PCDHA9: variants seen among roughly 807,000 people sequenced by gnomAD.
PCDHA9 encodes protocadherin alpha-9.
Under a neutral mutation model 62.0 loss-of-function variants are expected in PCDHA9, and 62 were observed. The ratio of observed to expected loss-of-function variants is 1.00; its 90% CI spans 0.81 to 1.23. The LOEUF is 1.23. Ranked by LOEUF, PCDHA9 falls within the 50% of genes most tolerant of loss-of-function variation. PCDHA9 has a pLI of 0.00. For synonymous variants in PCDHA9, 557 were observed against 567.6 expected (o/e 0.98, Z 0.27); for missense variants, 1,205 against 1,249.8 (o/e 0.96, Z 0.54).
chr5:140,978,601 G>A (rs1382051729), intron 1 of PCDHA9, among the ~76,000 whole-genome samples: 1 of 152,244 alleles, frequency 6.6e-6, no homozygotes, highest in African/African-American at 2.4e-5. Flanking sequence ...TGGGGCACTT[G>A]AGGGCAAAAG....
chr5:140,849,758 C>A lies in PCDHA9; in HGVS notation c.1263C>A (p.Tyr421Ter), dbSNP rs2150448460. 6.3e-7 allele frequency: 1 copy of A among 1,598,492 alleles called. No individual in the cohort carries two copies. Among genetic ancestry groups the A allele is most frequent in the Non-Finnish European group, 8.6e-7 (1 of 1,168,012 alleles). ...TGGACCGCGAGAGTGTGTCCGCCTA[C>A]GAGCTGGTGGTTACCGCGCGGGACG... is the stretch of plus-strand genomic sequence containing the variant. ...RALDRESVSA[Y>*]ELVVTARDGG... is the part of the protein sequence containing the mutation. The change falls in exon 1 of 4, where the codon TAC (tyrosine) becomes TAA (stop). Residue 421 changes from tyrosine (Y) to a stop codon, truncating the protein, a stop_gained. Transcript: ENST00000532602. LOFTEE classifies it high-confidence loss of function.
intron 1 of PCDHA9, chr5:140,882,003 G>C: frequency 2.0e-6 from 1 of 492,180 alleles, no homozygotes; most frequent in Non-Finnish European, 3.4e-6. Flanking sequence ...AATGCAAGGG[G>C]CAAAAAAATA....
chr5:140,966,075 T>C (rs1164431515), intron 1 of PCDHA9: 1 of 153,402 alleles, frequency 6.5e-6, no homozygotes, highest in Non-Finnish European at 1.4e-5. Context: ...CCCTGCGTTG[T>C]TTCCTTTTAA....
At chr5:140,925,641 T>TATA (rs10569930) in intron 1 of PCDHA9, among the ~76,000 whole-genome samples, 50,126 of 143,032 alleles carry the variant, frequency 0.35, 8,990 homozygotes, top group South Asian at 0.5. Context: ...GAACTTAAAG[T>TATA]ATAATAATAA....
rs564411271 is a variant in PCDHA9, at chr5:140,916,111, G to A, written c.2395-62838G>A. 1.9e-3 allele frequency among the ~76,000 whole-genome samples: 289 copies of A among 152,268 alleles called. 1 individual carries two copies. The highest frequency in any genetic ancestry group is 6.6e-3 in the African/African-American group (274 of 41,540). ...ACAGGGAATCTGCCTGGCCACTGCT[G>A]ATGTTCACTTAAAGCTTAAGGGCTG... On this transcript the variant is annotated intron_variant, in intron 1 of 3. Coordinates refer to ENST00000532602, the MANE Select transcript of PCDHA9 (RefSeq NM_031857.2).
intron 1 of PCDHA9, chr5:140,968,696 A>G (rs1554230980): frequency 6.2e-7 from 1 of 1,614,134 alleles, no homozygotes; most frequent in Non-Finnish European, 8.5e-7. Context: ...AGAAATTAGG[A>G]CTACCAGGAA....
At chr5:140,887,396 C>T (rs2153420229) in intron 1 of PCDHA9, among the ~76,000 whole-genome samples, 1 of 152,174 alleles carries the variant, frequency 6.6e-6, no homozygotes, top group Non-Finnish European at 1.5e-5. Flanking sequence ...GCGCCCGGCT[C>T]TTTATCTCAT....
intron 1 of PCDHA9, chr5:140,869,763 A>G: frequency 1.9e-6 from 3 of 1,613,302 alleles, no homozygotes; most frequent in Non-Finnish European, 2.5e-6. Flanking sequence ...GGGGAAAACC[A>G]GAGCTTACTG....
chr5:140,973,929 T>C (rs2096608226), intron 1 of PCDHA9, among the ~76,000 whole-genome samples: 1 of 152,216 alleles, frequency 6.6e-6, no homozygotes, highest in Non-Finnish European at 1.5e-5. Flanking sequence ...AACCCAGAGG[T>C]TTAGCTGAAT....
chr5:140,919,821 T>C (rs944662452), intron 1 of PCDHA9, among the ~76,000 whole-genome samples: 1 of 152,230 alleles, frequency 6.6e-6, no homozygotes, highest in Non-Finnish European at 1.5e-5. Flanking sequence ...CAAAAATATA[T>C]GTCCACATAG....
intron 1 of PCDHA9, chr5:140,853,202 C>T (rs1357815878): frequency 1.3e-5 from 13 of 982,324 alleles, no homozygotes; most frequent in Middle Eastern, 5.3e-4. Flanking sequence ...TTATTATTGA[C>T]GGCTGTATTG....
At chr5:140,926,775 G>A (rs1563083910) in intron 1 of PCDHA9, 7 of 1,391,106 alleles carry the variant, frequency 5.0e-6, no homozygotes, top group East Asian at 2.6e-5. Context: ...GCCCGCAGCA[G>A]TGACGGCCGG....
At chr5:140,921,500 A>G (rs2080246724) in intron 1 of PCDHA9, among the ~76,000 whole-genome samples, 1 of 152,210 alleles carries the variant, frequency 6.6e-6, no homozygotes, top group Admixed American at 6.5e-5. Context: ...AGTTTATTAG[A>G]TAGTGCCTAA....
At chr5:140,901,599 A>G (rs1196199794) in intron 1 of PCDHA9, among the ~76,000 whole-genome samples, 2 of 152,132 alleles carry the variant, frequency 1.3e-5, no homozygotes, top group South Asian at 2.1e-4. Flanking sequence ...TTTGGTTACT[A>G]TATCTCTATG....
At chr5:140,921,777 C>G (rs1434211783) in intron 1 of PCDHA9, among the ~76,000 whole-genome samples, 1 of 152,030 alleles carries the variant, frequency 6.6e-6, no homozygotes, top group Non-Finnish European at 1.5e-5. Flanking sequence ...TCAATACTGA[C>G]TTGGATGTTC....
intron 1 of PCDHA9, among the ~76,000 whole-genome samples, chr5:140,885,442 T>A (rs2060596310): frequency 6.6e-6 from 1 of 152,180 alleles, no homozygotes; most frequent in African/African-American, 2.4e-5. Flanking sequence ...TGTGCAATTA[T>A]ATATTATTTA....
chr5:141,003,370 G>A (rs192935173), intron 3 of PCDHA9, among the ~76,000 whole-genome samples: 1 of 152,262 alleles, frequency 6.6e-6, no homozygotes, highest in East Asian at 1.9e-4. Context: ...GGAGTGCAGT[G>A]GTGCAATCTC....
At chr5:140,916,603 G>A (rs782815026) in intron 1 of PCDHA9, among the ~76,000 whole-genome samples, 4 of 152,152 alleles carry the variant, frequency 2.6e-5, no homozygotes, top group South Asian at 2.1e-4. Flanking sequence ...CCTGGAATGC[G>A]GGCCTCATGA....
intron 1 of PCDHA9, among the ~76,000 whole-genome samples, chr5:140,964,512 T>C (rs2095837085): frequency 6.6e-6 from 1 of 152,128 alleles, no homozygotes; most frequent in African/African-American, 2.4e-5. Context: ...CAATACCCAG[T>C]GGCCAGGTCT....
Sources: gnomAD v4.1 joint callset for allele counts (sites outside exome capture counted in the v4.1 genomes callset) on GRCh38, gnomAD v4.1.1 for gene constraint, MANE v1.5 for transcripts, NCBI Gene and HGNC (gene_info 2026-07-23, HGNC 2026-07-21) for gene names.